Variants in DGKH observed in about 807,000 individuals in gnomAD.
The protein encoded by DGKH is DAG kinase eta.
Under a neutral mutation model 159.3 loss-of-function variants are expected in DGKH, and 90 were observed. The observed-to-expected ratio is 0.57, with a 90% CI of 0.48 to 0.67. DGKH has a LOEUF of 0.67. Ranked by LOEUF, DGKH falls within the 30% of genes least tolerant of loss-of-function variation. The pLI is 0.00. For synonymous variants in DGKH, 536 were observed against 553.8 expected, an observed-to-expected ratio of 0.97 and a Z score of 0.45; for missense variants, 1,181 against 1,506.1, an observed-to-expected ratio of 0.78 and a Z score of 3.57.
At chr13:42,070,618 A>G (rs559958205) in intron 1 of DGKH, 72 of 1,609,942 alleles carry the variant, frequency 4.5e-5, no homozygotes, top group Non-Finnish European at 5.9e-5. Context: ...AGTATTAATG[A>G]AAAGATTAGT....
downstream of DGKH, among the ~76,000 whole-genome samples, chr13:42,243,567 G>A (rs1371993784): frequency 6.6e-6 from 1 of 152,090 alleles, no homozygotes; most frequent in African/African-American, 2.4e-5. Context: ...AGAGTGTTAT[G>A]TGCAGTGATA....
chr13:42,116,584 T>TA (rs1460517947), intron 1 of DGKH, among the ~76,000 whole-genome samples: 1 of 152,216 alleles, frequency 6.6e-6, no homozygotes, highest in Non-Finnish European at 1.5e-5. Flanking sequence ...ACCTACTGGA[T>TA]AAATCAGGCA....
intron 1 of DGKH, among the ~76,000 whole-genome samples, chr13:42,112,123 T>G (rs1343681856): frequency 6.6e-6 from 1 of 152,320 alleles, no homozygotes; most frequent in African/African-American, 2.4e-5. Context: ...TATGTAAAAG[T>G]AAACGATTAC....
chr13:42,088,464 G>A (rs681657), intron 1 of DGKH, among the ~76,000 whole-genome samples: 127,772 of 152,186 alleles, frequency 0.84, 54,155 homozygotes, highest in African/African-American at 0.93. Flanking sequence ...TTGTGAAATA[G>A]CAGTAGAACA....
At chr13:42,190,595 C>T in intron 16 of DGKH, 70 bp downstream of exon 16, 1 of 1,455,642 alleles carries the variant, frequency 6.9e-7, no homozygotes, top group African/African-American at 1.5e-5. Flanking sequence ...TTTCAAAAGG[C>T]TGATCAGTTT....
At chr13:42,100,694 G>A (rs9525569) in intron 1 of DGKH, among the ~76,000 whole-genome samples, 21,641 of 152,158 alleles carry the variant, frequency 0.14, 1,753 homozygotes, top group South Asian at 0.2. Flanking sequence ...TACACATTTT[G>A]TATAAAGAGA....
At chr13:42,189,489 A>T (rs1057120490) in intron 15 of DGKH, among the ~76,000 whole-genome samples, 180 bp downstream of exon 15, 1 of 152,212 alleles carries the variant, frequency 6.6e-6, no homozygotes, top group African/African-American at 2.4e-5. Flanking sequence ...TTATGGTAGT[A>T]GTAAGAATCA....
chr13:42,070,064 G>T (rs1566085335), intron 1 of DGKH: 5 of 964,174 alleles, frequency 5.2e-6, no homozygotes, highest in Non-Finnish European at 8.5e-6. Flanking sequence ...TCATCCATAA[G>T]CAAAATATTA....
rs1289060044 is a variant in DGKH, at chr13:42,219,224, A to G, written c.3214-6A>G. On this transcript the variant is annotated splice_region_variant and splice_polypyrimidine_tract_variant and intron_variant, in intron 26 of 29. Transcript: ENST00000337343. ...TTGTTTTGTCTTTTAATCTGCTGGT[A>G]AATAGCAGCTGGAATCGCCACATGA... 3 of 1,613,238 alleles carry G rather than the reference A, an allele frequency of 1.9e-6. No individual in the cohort carries two copies. The African/African-American group carries it at 4.0e-5, about 22-fold the overall frequency.
chr13:42,090,833 G>GC (rs1183128815), intron 1 of DGKH, among the ~76,000 whole-genome samples: 3 of 152,120 alleles, frequency 2.0e-5, no homozygotes, highest in African/African-American at 7.2e-5. Flanking sequence ...TGGGGACAGA[G>GC]CCCCCATGGA....
At chr13:42,127,319 G>A (rs1009764880) in intron 1 of DGKH, 144 bp from the exon 2 acceptor site, 38 of 651,766 alleles carry the variant, frequency 5.8e-5, no homozygotes, top group Non-Finnish European at 9.5e-5. Context: ...GCAAAGCTGT[G>A]GTGAGAGTAA....
At chr13:42,120,652 T>C (rs889047694) in intron 1 of DGKH, among the ~76,000 whole-genome samples, 1 of 152,174 alleles carries the variant, frequency 6.6e-6, no homozygotes, top group African/African-American at 2.4e-5. Flanking sequence ...AGGATATGAT[T>C]TATTTAAAAA....
chr13:42,219,255 G>A lies in DGKH; in HGVS notation c.3239G>A (p.Arg1080Gln), dbSNP rs757237325. The change falls in exon 27 of 30, where the codon CGA (arginine) becomes CAA (glutamine). Residue 1080 changes from arginine (R) to glutamine (Q), a missense_variant. By Grantham distance (43) the Arg-to-Gln change is conservative. Coordinates refer to ENST00000337343, the MANE Select transcript of DGKH (RefSeq NM_178009.5). ...PLQLESPHEE[R>Q]VSNALHSVEV... ...CAGCTGGAATCGCCACATGAAGAGC[G>A]AGTATCCAATGCCTTACACTCTGTG... is the stretch of plus-strand genomic sequence containing the variant. 1.7e-5 allele frequency: 28 copies of A among 1,613,662 alleles called. No homozygotes were observed. Among genetic ancestry groups the A allele is most frequent in the Non-Finnish European group, 2.1e-5 (25 of 1,179,872 alleles).
chr13:42,183,901 T>C lies in DGKH; in HGVS notation c.1539-3148T>C, dbSNP rs1031265946. On this transcript the variant is annotated intron_variant, in intron 13 of 29. Coordinates refer to ENST00000337343, the MANE Select transcript of DGKH (RefSeq NM_178009.5). ...GCTTTAACAGTAGGAGTTAATTAGG[T>C]TTTTTACTTACGCACTCTACTCACC... is the stretch of plus-strand genomic sequence containing the variant. 2.0e-5 allele frequency among the ~76,000 whole-genome samples: 3 copies of C among 152,312 alleles called. No homozygotes were observed. In the East Asian group the frequency reaches 5.8e-4, roughly 29 times the overall value.
Position 42,236,990 on chromosome 13 carries a change from T to G in DGKH, c.*7802T>G, listed in dbSNP as rs1958427872. 7 of 152,336 alleles carry G rather than the reference T, an allele frequency of 4.6e-5. No individual in the cohort carries two copies. Among genetic ancestry groups the G allele is most frequent in the Admixed American group, 3.9e-4 (6 of 15,306 alleles). The allele number at this position is 152,336 out of a possible 1,614,324, so 9.4% of individuals were successfully genotyped here. ...AGGGTGGATATTTTTAACATATGTTTGCATTTGGTTCTGGGATAGTAACCG... is the reference window on the plus strand; with the variant it reads ...AGGGTGGATATTTTTAACATATGTTGGCATTTGGTTCTGGGATAGTAACCG... On this transcript the variant is annotated 3_prime_UTR_variant, in exon 30 of 30. Transcript: ENST00000337343.
chr13:42,057,323 G>A (rs944819538), intron 1 of DGKH, among the ~76,000 whole-genome samples: 1 of 152,076 alleles, frequency 6.6e-6, no homozygotes, highest in African/African-American at 2.4e-5. Context: ...GAATGAAAAC[G>A]ACAGGAATTT....
chr13:42,072,530 T>C (rs556457939), intron 1 of DGKH, among the ~76,000 whole-genome samples: 17 of 152,286 alleles, frequency 1.1e-4, no homozygotes, highest in African/African-American at 3.1e-4. Flanking sequence ...CAAACTTGAA[T>C]TGTGATGATC....
At position 42,232,907 on chromosome 13, in the gene DGKH, T is replaced by A. The variant is rs1312818751; in HGVS notation, c.*3719T>A. ...GACTCAGGAGGCTTAGGAGGGAAGATGGCTTCAGGCCAGGAGTTTGAGACC... is the reference window on the plus strand; with the variant it reads ...GACTCAGGAGGCTTAGGAGGGAAGAAGGCTTCAGGCCAGGAGTTTGAGACC... On this transcript the variant is annotated 3_prime_UTR_variant, in exon 30 of 30. Coordinates refer to ENST00000337343, the MANE Select transcript of DGKH (RefSeq NM_178009.5). The A allele has an allele frequency of 1.3e-5, 2 of 152,216 alleles. No individual in the cohort carries two copies. The highest frequency in any genetic ancestry group is 4.8e-5 in the African/African-American group (2 of 41,446). 9.4% of individuals were successfully genotyped at this position (152,216 alleles called of 1,614,324 possible). A position where few individuals can be genotyped will look rare whatever the true frequency, so the allele number is the denominator to read the frequency against.
intron 3 of DGKH, among the ~76,000 whole-genome samples, chr13:42,150,158 T>C (rs1371891682): frequency 6.6e-6 from 1 of 152,242 alleles, no homozygotes; most frequent in Admixed American, 6.5e-5. Context: ...TTAAAAATTA[T>C]GATAGGAAAA....
Sources: gnomAD v4.1 joint callset for allele counts (sites outside exome capture counted in the v4.1 genomes callset) on GRCh38, gnomAD v4.1.1 for gene constraint, MANE v1.5 for transcripts, NCBI Gene and HGNC (gene_info 2026-07-23, HGNC 2026-07-21) for gene names.